Variants in KCNMA1 observed in about 807,000 individuals in gnomAD.
The protein encoded by KCNMA1 is Calcium-activated potassium channel subunit alpha-1.
In KCNMA1, 29 loss-of-function variants were observed where a neutral mutation model predicts 140.0. That is an observed-to-expected ratio of 0.21 (90% CI 0.15 to 0.28). KCNMA1 has a LOEUF of 0.28. KCNMA1 is among the 10% of genes least tolerant of loss of function. The probability of loss-of-function intolerance (pLI) is 1.00; values close to 1 mark genes in which losing one functional copy is unlikely to be tolerated. For missense variants in KCNMA1, 880 were observed against 1,602.2 expected, an observed-to-expected ratio of 0.55 and a Z score of 7.70; for synonymous variants, 612 against 611.9, an observed-to-expected ratio of 1.00 and a Z score of 0.00.
intron 17 of KCNMA1, among the ~76,000 whole-genome samples, chr10:77,014,278 T>G (rs2091520123): frequency 6.6e-6 from 1 of 152,032 alleles, no homozygotes; most frequent in Non-Finnish European, 1.5e-5. Context: ...ATAAAAAAAT[T>G]AGCCAGTCAT....
At chr10:77,416,173 T>G (rs1401557914) in intron 1 of KCNMA1, among the ~76,000 whole-genome samples, 1 of 152,106 alleles carries the variant, frequency 6.6e-6, no homozygotes, top group South Asian at 2.1e-4. Flanking sequence ...TCGAAAAATG[T>G]GGCTTTCAGA....
chr10:76,892,090 T>G (rs1483098857), intron 25 of KCNMA1, among the ~76,000 whole-genome samples: 1 of 152,184 alleles, frequency 6.6e-6, no homozygotes, highest in Non-Finnish European at 1.5e-5. Flanking sequence ...AAATGCAGCC[T>G]GCCCCAGCTA....
At chr10:77,532,573 C>T (rs1320307411) in intron 1 of KCNMA1, among the ~76,000 whole-genome samples, 1 of 152,186 alleles carries the variant, frequency 6.6e-6, no homozygotes, top group African/African-American at 2.4e-5. Context: ...CAGCCAATGG[C>T]CAAACCCCAC....
At chr10:76,918,462 T>G (rs1309666638) in intron 23 of KCNMA1, among the ~76,000 whole-genome samples, 1 of 152,202 alleles carries the variant, frequency 6.6e-6, no homozygotes, top group East Asian at 1.9e-4. Flanking sequence ...GTGCTAAAAA[T>G]GACTTCCATA....
chr10:77,058,086 A>T (rs1270178418), intron 14 of KCNMA1, among the ~76,000 whole-genome samples: 1 of 151,980 alleles, frequency 6.6e-6, no homozygotes, highest in Non-Finnish European at 1.5e-5. Flanking sequence ...ACTTTTTTCC[A>T]TGAAAACACC....
chr10:77,196,801 C>T (rs147114422), intron 3 of KCNMA1, among the ~76,000 whole-genome samples: 21 of 152,264 alleles, frequency 1.4e-4, no homozygotes, highest in African/African-American at 5.1e-4. Flanking sequence ...AGGATTATCA[C>T]AGCTTGGAAT....
chr10:77,627,208 A>C (rs539315948), intron 1 of KCNMA1, among the ~76,000 whole-genome samples: 1 of 152,300 alleles, frequency 6.6e-6, no homozygotes, highest in South Asian at 2.1e-4. Flanking sequence ...CCCTAGGTGA[A>C]AAAGAGTCAA....
chr10:77,117,555 A>AG (rs2097507127), intron 6 of KCNMA1, among the ~76,000 whole-genome samples: 1 of 150,498 alleles, frequency 6.6e-6, no homozygotes, highest in South Asian at 2.1e-4. Flanking sequence ...AAAAAAAAAA[A>AG]AAAAAAAAAA....
intron 3 of KCNMA1, among the ~76,000 whole-genome samples, chr10:77,212,408 G>A (rs561874580): frequency 3.3e-5 from 5 of 152,194 alleles, no homozygotes; most frequent in African/African-American, 1.2e-4. Flanking sequence ...GAGCACACAT[G>A]GACATAAACA....
At chr10:77,036,147 T>C (rs575050668) in intron 15 of KCNMA1, among the ~76,000 whole-genome samples, 2 of 152,338 alleles carry the variant, frequency 1.3e-5, no homozygotes, top group Admixed American at 6.5e-5. Flanking sequence ...TTCCTGCCCT[T>C]GAACATCACA....
In KCNMA1 at chr10:77,436,995, CA is replaced by C. The variant is rs1375265058; in HGVS notation, c.379-32973del. Among the ~76,000 whole-genome samples the C allele has an allele frequency of 4.7e-5, 6 of 127,008 alleles. No individual in the cohort carries two copies. The East Asian group carries it at 1.6e-3, about 34-fold the overall frequency. The allele number at this position is 127,008 out of a possible 152,430, so 83.3% of individuals were successfully genotyped here. ...ACACACACACACACACACACACACA[CA>C]CTCCTTCAGCCAAAATGTTCCACTT... is the stretch of plus-strand genomic sequence containing the variant. On this transcript the variant is annotated intron_variant, in intron 1 of 27. Coordinates refer to ENST00000286628, the MANE Select transcript of KCNMA1 (RefSeq NM_001161352.2).
intron 2 of KCNMA1, among the ~76,000 whole-genome samples, chr10:77,272,143 T>G (rs1314414724): frequency 6.6e-6 from 1 of 152,194 alleles, no homozygotes; most frequent in Non-Finnish European, 1.5e-5. Context: ...AATCACATTG[T>G]TGACTTACTT....
At chr10:77,095,786 A>G (rs2096917175) in intron 9 of KCNMA1, among the ~76,000 whole-genome samples, 1 of 152,160 alleles carries the variant, frequency 6.6e-6, no homozygotes, top group South Asian at 2.1e-4. Context: ...GCCCAAGTTG[A>G]GCCAGAACTT....
intron 2 of KCNMA1, among the ~76,000 whole-genome samples, chr10:77,263,807 T>G (rs531752672): frequency 8.5e-5 from 13 of 152,116 alleles, no homozygotes; most frequent in Non-Finnish European, 1.5e-5. Context: ...TTTTCTCCTC[T>G]GCAGAATCGA....
chr10:77,107,934 T>C (rs954544140), intron 9 of KCNMA1, among the ~76,000 whole-genome samples: 1 of 152,116 alleles, frequency 6.6e-6, no homozygotes, highest in African/African-American at 2.4e-5. Flanking sequence ...CAAACCACCA[T>C]AGGAGGGCAT....
chr10:77,194,972 T>A (rs2039949124), intron 3 of KCNMA1, among the ~76,000 whole-genome samples: 1 of 152,192 alleles, frequency 6.6e-6, no homozygotes, highest in African/African-American at 2.4e-5. Flanking sequence ...ACACATGAAT[T>A]TATATGTGAT....
rs541069424 is a variant in KCNMA1, at chr10:77,404,011, T to C, written c.391A>G (p.Ile131Val). The C allele has an allele frequency of 3.7e-6, 6 of 1,614,138 alleles. No individual in the cohort carries two copies. In the East Asian group the frequency reaches 1.1e-4, roughly 30 times the overall value. The change falls in exon 2 of 28, where the codon ATT (isoleucine) becomes GTT (valine). Residue 131 changes from isoleucine (I) to valine (V), a missense_variant. Ile to Val is a conservative substitution (Grantham distance 29). This residue lies in a region of KCNMA1 where 54 missense variants were observed against 56.4 expected (regional missense o/e 0.96). Coordinates refer to ENST00000286628, the MANE Select transcript of KCNMA1 (RefSeq NM_001161352.2). Reference sequence around the variant, plus strand: ...TCCGCCTGGCTTGAGCCATTGTTAATCTTCTGGGCCTCCTGGCAACAGAGA... The same window carrying C: ...TCCGCCTGGCTTGAGCCATTGTTAACCTTCTGGGCCTCCTGGCAACAGAGA... ...CGGKTKEAQK[I>V]NNGSSQADGT... is the part of the protein sequence containing the mutation.
At chr10:76,874,726 T>C (rs923890955), downstream of KCNMA1, 5 of 152,204 alleles carry the variant, frequency 3.3e-5, no homozygotes, top group African/African-American at 9.7e-5. Context: ...GGAGGAAAGA[T>C]TGGAATGTTC....
rs56944995 is a variant in KCNMA1, at chr10:76,946,854, T to C, written c.2710-1889A>G. 5.0e-3 allele frequency among the ~76,000 whole-genome samples: 756 copies of C among 152,346 alleles called. 5 individuals are homozygous for C. Among genetic ancestry groups the C allele is most frequent in the African/African-American group, 0.017 (718 of 41,592 alleles). ...ACAAATGACATACATAGAAATCGCT[T>C]ATGTTTCTCTGGGCTGGCCCTATAG... On this transcript the variant is annotated intron_variant, in intron 22 of 27. Transcript: ENST00000286628.
Sources: gnomAD v4.1 joint callset for allele counts (sites outside exome capture counted in the v4.1 genomes callset) on GRCh38, gnomAD v4.1.1 for gene constraint, gnomAD v4.1.1 regional missense constraint, MANE v1.5 for transcripts, NCBI Gene and HGNC (gene_info 2026-07-23, HGNC 2026-07-21) for gene names.